The following MRPL42 variants were observed in gnomAD, a reference collection of about 807,000 sequenced individuals.
The protein encoded by MRPL42 is large ribosomal subunit protein mL42.
A neutral mutation model predicts 17.9 loss-of-function variants in MRPL42; 17 were observed. The observed-to-expected ratio is 0.95, with a 90% confidence interval of 0.65 to 1.42. The LOEUF (loss-of-function observed/expected upper bound fraction) is 1.42. MRPL42 is among the 40% of genes most tolerant of loss of function. MRPL42 has a pLI of 0.00. For missense variants in MRPL42, 177 were observed against 175.2 expected (o/e 1.01, Z -0.06); for synonymous variants, 59 against 54.4 (o/e 1.08, Z -0.37).
Position 93,507,467 on chromosome 12 carries a change from G to T in MRPL42, c.*6246G>T, listed in dbSNP as rs1565822452. The T allele has an allele frequency of 6.6e-6, 1 of 152,184 alleles. No individual in the cohort carries two copies. Among genetic ancestry groups the T allele is most frequent in the Non-Finnish European group, 1.5e-5 (1 of 68,030 alleles). 9.4% of individuals were successfully genotyped at this position (152,184 alleles called of 1,614,324 possible). A position where few individuals can be genotyped will look rare whatever the true frequency, so the allele number is the denominator to read the frequency against. ...TAACTTGCTTATAAGTGTTTAAAAT[G>T]ACTTAATGGGTTCTATCTTTTAAGG... On this transcript the variant is annotated 3_prime_UTR_variant, in exon 6 of 6. Coordinates refer to ENST00000549982, the MANE Select transcript of MRPL42 (RefSeq NM_014050.4).
chr12:93,488,356 C>T, intron 5 of MRPL42: 2 of 398,494 alleles, frequency 5.0e-6, no homozygotes, highest in Non-Finnish European at 8.8e-6. Flanking sequence ...GATCCTCCTC[C>T]CTCAGCTGGG....
chr12:93,496,415 TAA>T (rs1953505685), intron 5 of MRPL42, among the ~76,000 whole-genome samples: 1 of 152,018 alleles, frequency 6.6e-6, no homozygotes, highest in Non-Finnish European at 1.5e-5. Context: ...AAAAGTCACC[TAA>T]AAATGTAAAT....
In MRPL42 at chr12:93,502,621, C is replaced by G. The variant is rs1953611641; in HGVS notation, c.*1400C>G. 1 of 152,004 alleles carries G rather than the reference C, an allele frequency of 6.6e-6. No homozygotes were observed. Among genetic ancestry groups the G allele is most frequent in the African/African-American group, 2.4e-5 (1 of 41,390 alleles). The allele number at this position is 152,004 out of a possible 1,614,324, so 9.4% of individuals were successfully genotyped here. On this transcript the variant is annotated 3_prime_UTR_variant, in exon 6 of 6. Coordinates refer to ENST00000549982, the MANE Select transcript of MRPL42 (RefSeq NM_014050.4). ...ATTTCATTTGGAAAGATTAAAAAAA[C>G]AAGTTTGATTGAACTTGATAAATCA...
chr12:93,476,135 A>G (rs1344015310), intron 2 of MRPL42, among the ~76,000 whole-genome samples: 1 of 152,052 alleles, frequency 6.6e-6, no homozygotes, highest in Non-Finnish European at 1.5e-5. Flanking sequence ...TCATCACTTC[A>G]CCACCACCAC....
chr12:93,480,364 G>A (rs1331576103), intron 4 of MRPL42, among the ~76,000 whole-genome samples: 2 of 151,834 alleles, frequency 1.3e-5, no homozygotes, highest in East Asian at 3.9e-4. Flanking sequence ...TAGGTGATCC[G>A]CCTGCCTCGG....
chr12:93,480,852 A>G (rs1880427639), intron 4 of MRPL42, among the ~76,000 whole-genome samples: 1 of 152,032 alleles, frequency 6.6e-6, no homozygotes, highest in Admixed American at 6.6e-5. Context: ...TAATTTCTGT[A>G]TTCCTTTTTA....
chr12:93,515,740 C>G lies in MRPL42; in HGVS notation c.*14519C>G, dbSNP rs1435553720. The stretch of plus-strand genomic sequence containing the variant: ...CGGGGAGAAAAGCTGCTCTTGACAT[C>G]TGAAAGCTGACTTGGCATTCACAGC... On this transcript the variant is annotated 3_prime_UTR_variant, in exon 6 of 6. Transcript: ENST00000549982. 1 of 152,196 alleles carries G rather than the reference C, an allele frequency of 6.6e-6. No homozygotes were observed. Among genetic ancestry groups the G allele is most frequent in the Non-Finnish European group, 1.5e-5 (1 of 68,042 alleles). The allele number at this position is 152,196 out of a possible 1,614,324, so 9.4% of individuals were successfully genotyped here. A position where few individuals can be genotyped will look rare whatever the true frequency, so the allele number is the denominator to read the frequency against.
At chr12:93,482,460 G>A (rs1261958255) in intron 4 of MRPL42, among the ~76,000 whole-genome samples, 1 of 152,100 alleles carries the variant, frequency 6.6e-6, no homozygotes, top group Non-Finnish European at 1.5e-5. Context: ...CTGGAATAAC[G>A]CTTTGAACTT....
At position 93,511,792 on chromosome 12, in the gene MRPL42, C is replaced by G. The variant is rs1401624587; in HGVS notation, c.*10571C>G. 1 of 152,112 alleles carries G rather than the reference C, an allele frequency of 6.6e-6. No individual in the cohort carries two copies. Among genetic ancestry groups the G allele is most frequent in the Non-Finnish European group, 1.5e-5 (1 of 68,014 alleles). 9.4% of individuals were successfully genotyped at this position (152,112 alleles called of 1,614,324 possible). A position where few individuals can be genotyped will look rare whatever the true frequency, so the allele number is the denominator to read the frequency against. ...CTTTGTTAATTAATGTGGTTTGAAG[C>G]TTTGTAGGAATCCAATTGGATGGAT... On this transcript the variant is annotated 3_prime_UTR_variant, in exon 6 of 6. Coordinates refer to ENST00000549982, the MANE Select transcript of MRPL42 (RefSeq NM_014050.4).
At chr12:93,486,902 G>A (rs912468612) in intron 4 of MRPL42, among the ~76,000 whole-genome samples, 11 of 151,138 alleles carry the variant, frequency 7.3e-5, no homozygotes, top group African/African-American at 2.7e-4. Flanking sequence ...GAACTGAAGT[G>A]ATCCTCCCAC....
At chr12:93,486,096 C>G (rs1404585128) in intron 4 of MRPL42, among the ~76,000 whole-genome samples, 1 of 152,060 alleles carries the variant, frequency 6.6e-6, no homozygotes, top group Non-Finnish European at 1.5e-5. Context: ...TCTGAAAGTG[C>G]TGGGATTACA....
chr12:93,499,572 A>G (rs1953553337), intron 5 of MRPL42, among the ~76,000 whole-genome samples: 1 of 152,162 alleles, frequency 6.6e-6, no homozygotes, highest in South Asian at 2.1e-4. Context: ...TTGTACTAGT[A>G]CAACCTTGAT....
chr12:93,478,238 G>T (rs754227761), intron 3 of MRPL42, among the ~76,000 whole-genome samples: 2 of 150,674 alleles, frequency 1.3e-5, no homozygotes, highest in Non-Finnish European at 2.9e-5. Context: ...TTACAGGTGT[G>T]AGCCATCATG....
intron 5 of MRPL42, among the ~76,000 whole-genome samples, chr12:93,496,184 G>T (rs1184603256): frequency 6.6e-6 from 1 of 151,984 alleles, no homozygotes; most frequent in Non-Finnish European, 1.5e-5. Context: ...TCAGCCTCCC[G>T]AGTACCTGGG....
At chr12:93,469,487 T>A in intron 2 of MRPL42, 132 bp downstream of exon 2, 1 of 643,514 alleles carries the variant, frequency 1.6e-6, no homozygotes, top group Non-Finnish European at 2.6e-6. Flanking sequence ...GGAGAAAACC[T>A]AAATGTCAGT....
At chr12:93,480,876 G>T (rs1311697564) in intron 4 of MRPL42, among the ~76,000 whole-genome samples, 1 of 151,970 alleles carries the variant, frequency 6.6e-6, no homozygotes, top group Non-Finnish European at 1.5e-5. Flanking sequence ...TCACCATTTT[G>T]TCTCCCTGCT....
rs1381814451 is a variant in MRPL42 at position 93,509,119 on chromosome 12, CA to C, written c.*7899del. On this transcript the variant is annotated 3_prime_UTR_variant, in exon 6 of 6. Transcript: ENST00000549982. ...AGGAGAATCCCTTGAACCCAGGAGG[CA>C]GAGGTTGCAGTGGGCCAAGATCACA... The C allele has an allele frequency of 7.6e-5, 11 of 145,686 alleles. No individual in the cohort carries two copies. In the Admixed American group the frequency reaches 7.8e-4, roughly 10 times the overall value. The allele number at this position is 145,686 out of a possible 1,614,324, so 9.0% of individuals were successfully genotyped here.
At chr12:93,481,918 T>G (rs1880484368) in intron 4 of MRPL42, among the ~76,000 whole-genome samples, 1 of 152,206 alleles carries the variant, frequency 6.6e-6, no homozygotes, top group Non-Finnish European at 1.5e-5. Context: ...CAGCACAGAC[T>G]GATATCATGG....
chr12:93,484,971 CACACACACATATATATAT>C lies in MRPL42; in HGVS notation c.220-2524_220-2507del, dbSNP rs1880642078. Among the ~76,000 whole-genome samples the C allele has an allele frequency of 3.1e-3, 104 of 33,584 alleles. 11 individuals carry two copies. Among genetic ancestry groups the C allele is most frequent in the South Asian group, 4.5e-3 (4 of 888 alleles). 22.0% of individuals were successfully genotyped at this position (33,584 alleles called of 152,430 possible). A position where few individuals can be genotyped will look rare whatever the true frequency, so the allele number is the denominator to read the frequency against. On this transcript the variant is annotated intron_variant, in intron 4 of 5. Transcript: ENST00000549982. ...CATTGCTTTTTAAAAAACACACACA[CACACACACATATATATAT>C]ATATATATATATATATATATATATA... is the stretch of plus-strand genomic sequence containing the variant.
Sources: allele counts gnomAD v4.1 joint callset (sites outside exome capture counted in the v4.1 genomes callset), GRCh38; gene constraint gnomAD v4.1.1; transcripts MANE v1.5; gene names NCBI Gene and HGNC (gene_info 2026-07-23, HGNC 2026-07-21).